RPH3AL: variants seen among roughly 807,000 people sequenced by gnomAD.
The protein encoded by RPH3AL is rab effector Noc2.
RPH3AL carries 38 observed loss-of-function variants against 43.1 expected under a neutral mutation model. The ratio of observed to expected loss-of-function variants is 0.88; its 90% CI spans 0.68 to 1.15. The LOEUF (loss-of-function observed/expected upper bound fraction) is 1.15, where lower values mean the gene tolerates loss of function less well. Ranked by LOEUF, RPH3AL falls within the 50% of genes most tolerant of loss-of-function variation. RPH3AL has a pLI of 0.00. For synonymous variants in RPH3AL, 189 were observed against 176.3 expected (o/e 1.07, Z -0.57); for missense variants, 462 against 423.2 (o/e 1.09, Z -0.81).
intron 7 of RPH3AL, among the ~76,000 whole-genome samples, chr17:230,746 G>A (rs980972935): frequency 4.6e-5 from 7 of 152,222 alleles, no homozygotes; most frequent in African/African-American, 1.7e-4. Flanking sequence ...GGTGCAGGAC[G>A]TGCTTTCGGG....
chr17:269,370 C>T (rs781627540), intron 6 of RPH3AL, among the ~76,000 whole-genome samples: 65 of 152,242 alleles, frequency 4.3e-4, no homozygotes, highest in Non-Finnish European at 8.5e-4. Context: ...TATGTTTCAT[C>T]GTCTGTTCCC....
intron 6 of RPH3AL, among the ~76,000 whole-genome samples, chr17:272,255 G>GTA (rs1237525163): frequency 2.6e-5 from 4 of 152,248 alleles, no homozygotes; most frequent in Admixed American, 6.5e-5. Flanking sequence ...CCATTACTGG[G>GTA]TATATACCCA....
chr17:264,142 G>A lies in RPH3AL; in HGVS notation c.439-16857C>T, dbSNP rs771192943. ...CCGATACTGAACAAGCTCAGCAAAC[G>A]TGAGGTGTACTGAGGTAACATACAC... On this transcript the variant is annotated intron_variant, in intron 6 of 9. Coordinates refer to ENST00000331302, the MANE Select transcript of RPH3AL (RefSeq NM_006987.4). This position sits in a 1 kb window ranked among gnomAD's most constrained non-coding sequence, Gnocchi z 4.8. Among the ~76,000 whole-genome samples, 7 of 152,238 alleles carry A rather than the reference G, an allele frequency of 4.6e-5. No homozygotes were observed. Among genetic ancestry groups the A allele is most frequent in the East Asian group, 1.9e-4 (1 of 5,198 alleles).
intron 7 of RPH3AL, among the ~76,000 whole-genome samples, chr17:232,199 G>A (rs772557381): frequency 1.3e-5 from 2 of 152,204 alleles, no homozygotes; most frequent in Non-Finnish European, 2.9e-5. Context: ...GTGTTTCTCT[G>A]CCTTTCCATG....
chr17:219,587 C>T (rs2040904237), intron 8 of RPH3AL, 36 bp downstream of exon 8: 3 of 1,214,568 alleles, frequency 2.5e-6, no homozygotes, highest in African/African-American at 1.6e-5. Flanking sequence ...GTGCACCGTG[C>T]CCGGCCAATA....
intron 5 of RPH3AL, among the ~76,000 whole-genome samples, chr17:318,994 C>T (rs927373365): frequency 1.3e-5 from 2 of 152,166 alleles, no homozygotes; most frequent in Admixed American, 6.5e-5. Context: ...TGCCTATGTA[C>T]CAGGCAAGGT....
At chr17:347,276 T>A (rs1015511244) in intron 1 of RPH3AL, among the ~76,000 whole-genome samples, 4 of 151,592 alleles carry the variant, frequency 2.6e-5, no homozygotes, top group African/African-American at 9.7e-5. Context: ...AAAAAATAAA[T>A]AAATAAATAA....
rs538570184 is a variant in RPH3AL at position 240,184 on chromosome 17, C to A, written c.613+6927G>T. Among the ~76,000 whole-genome samples the A allele has an allele frequency of 3.6e-3, 534 of 149,344 alleles. 2 individuals are homozygous for A. Among genetic ancestry groups the A allele is most frequent in the Non-Finnish European group, 5.8e-3 (390 of 67,726 alleles). ...CCCAGGAGGTGGAGGTTGCAGTGAGCTGAGATCATGCCATTGCACTCCAGC... is the reference window on the plus strand; with the variant it reads ...CCCAGGAGGTGGAGGTTGCAGTGAGATGAGATCATGCCATTGCACTCCAGC... On this transcript the variant is annotated intron_variant, in intron 7 of 9. Transcript: ENST00000331302.
intron 6 of RPH3AL, among the ~76,000 whole-genome samples, chr17:268,489 A>G (rs1214493561): frequency 1.3e-5 from 2 of 151,402 alleles, no homozygotes; most frequent in African/African-American, 4.9e-5. Flanking sequence ...TCCAGTCAAC[A>G]GTAGACTATT....
intron 2 of RPH3AL, chr17:332,246 G>C: frequency 3.5e-6 from 1 of 289,308 alleles, no homozygotes; most frequent in Non-Finnish European, 6.8e-6. Flanking sequence ...GGTCCTACCA[G>C]CTGGGACAGG....
Position 227,659 on chromosome 17 carries a change from C to T in RPH3AL, c.614-7923G>A, listed in dbSNP as rs570032910. Among the ~76,000 whole-genome samples, 10 of 152,174 alleles carry T rather than the reference C, an allele frequency of 6.6e-5. No individual in the cohort carries two copies. In the East Asian group the frequency reaches 1.4e-3, roughly 21 times the overall value. On this transcript the variant is annotated intron_variant, in intron 7 of 9. Coordinates refer to ENST00000331302, the MANE Select transcript of RPH3AL (RefSeq NM_006987.4). ...GACAGCCCTGGTGCCTCTCCCTGGT[C>T]GGGGTGGGGAGATGCTCCCACTGGG...
At position 225,194 on chromosome 17, in the gene RPH3AL, T is replaced by G. The variant is rs922613807; in HGVS notation, c.614-5458A>C. On this transcript the variant is annotated intron_variant, in intron 7 of 9. Coordinates refer to ENST00000331302, the MANE Select transcript of RPH3AL (RefSeq NM_006987.4). The surrounding 1 kb of genome is among the most constrained non-coding windows in gnomAD (Gnocchi z 4.4). ...TCCATCTGCTCAGAGGCTCTGCCTTTTTCTGTCCTGCTCCCCAGGAAGAGT... is the reference window on the plus strand; with the variant it reads ...TCCATCTGCTCAGAGGCTCTGCCTTGTTCTGTCCTGCTCCCCAGGAAGAGT... Among the ~76,000 whole-genome samples the G allele has an allele frequency of 2.0e-5, 3 of 152,002 alleles. No homozygotes were observed.
In RPH3AL at chr17:323,724, G is replaced by A. The variant is rs1051890684; in HGVS notation, c.78-2309C>T. 3.3e-5 allele frequency among the ~76,000 whole-genome samples: 5 copies of A among 152,202 alleles called. No individual in the cohort carries two copies. The highest frequency in any genetic ancestry group is 1.2e-4 in the African/African-American group (5 of 41,442). ...CTGTCCTGATGGACACGGGTCCCAC[G>A]AGCTTGTTCTGGGGCTGGTGATGGC... On this transcript the variant is annotated intron_variant, in intron 3 of 9. Coordinates refer to ENST00000331302, the MANE Select transcript of RPH3AL (RefSeq NM_006987.4). This position sits in a 1 kb window ranked among gnomAD's most constrained non-coding sequence, Gnocchi z 4.4.
chr17:321,203 C>T, intron 4 of RPH3AL, 69 bp downstream of exon 4: 1 of 1,548,152 alleles, frequency 6.5e-7, no homozygotes, highest in South Asian at 1.2e-5. Context: ...GTGCCGGCCT[C>T]CCAGTCCCCT....
At chr17:237,173 T>C (rs1232787008) in intron 7 of RPH3AL, among the ~76,000 whole-genome samples, 1 of 152,206 alleles carries the variant, frequency 6.6e-6, no homozygotes, top group East Asian at 1.9e-4. Context: ...TGAACCAGGC[T>C]GTTCAACCCA....
In RPH3AL at chr17:225,228, G is replaced by A. The variant is rs570647616; in HGVS notation, c.614-5492C>T. On this transcript the variant is annotated intron_variant, in intron 7 of 9. Coordinates refer to ENST00000331302, the MANE Select transcript of RPH3AL (RefSeq NM_006987.4). This position sits in a 1 kb window ranked among gnomAD's most constrained non-coding sequence, Gnocchi z 4.4. ...TGCTCCCCAGGAAGAGTTCTACTCC[G>A]GCTCCTTGGACTTTTATGATGCCGC... Among the ~76,000 whole-genome samples, 11 of 152,160 alleles carry A rather than the reference G, an allele frequency of 7.2e-5. No individual in the cohort carries two copies. The highest frequency in any genetic ancestry group is 9.6e-5 in the African/African-American group (4 of 41,516).
At chr17:238,678 G>A (rs964037439) in intron 7 of RPH3AL, among the ~76,000 whole-genome samples, 14 of 152,270 alleles carry the variant, frequency 9.2e-5, no homozygotes, top group East Asian at 1.9e-4. Context: ...TATTTTATGA[G>A]AAAAAGATGT....
At chr17:335,546 A>C (rs2044930995) in intron 1 of RPH3AL, among the ~76,000 whole-genome samples, 1 of 152,024 alleles carries the variant, frequency 6.6e-6, no homozygotes, top group South Asian at 2.1e-4. Context: ...GTGAGCCCCC[A>C]CGTTTGGACA....
Position 258,757 on chromosome 17 carries a change from G to A in RPH3AL, c.439-11472C>T, listed in dbSNP as rs376126140. On this transcript the variant is annotated intron_variant, in intron 6 of 9. Transcript: ENST00000331302. Reference sequence around the variant, plus strand: ...TCAGCCATTTTGGGATAGTCAACCCGTTTTTTTTTTTTTTTTTTTTTGAGA... The same window carrying A: ...TCAGCCATTTTGGGATAGTCAACCCATTTTTTTTTTTTTTTTTTTTTGAGA... Among the ~76,000 whole-genome samples the A allele has an allele frequency of 2.0e-3, 200 of 98,760 alleles. 4 individuals are homozygous for A. In the East Asian group the frequency reaches 0.042, roughly 21 times the overall value. The allele number at this position is 98,760 out of a possible 152,430, so 64.8% of individuals were successfully genotyped here. A position where few individuals can be genotyped will look rare whatever the true frequency, so the allele number is the denominator to read the frequency against.
Sources: allele counts gnomAD v4.1 joint callset (sites outside exome capture counted in the v4.1 genomes callset), GRCh38; gene constraint gnomAD v4.1.1; non-coding constraint Gnocchi (gnomAD v3.1); transcripts MANE v1.5; gene names NCBI Gene and HGNC (gene_info 2026-07-23, HGNC 2026-07-21).